NAALADL2: variants seen among roughly 807,000 people sequenced by gnomAD.
The protein encoded by NAALADL2 is N-acetylated alpha-linked acidic dipeptidase like 2, also known as inactive N-acetylated-alpha-linked acidic dipeptidase-like protein 2.
In NAALADL2, 76 loss-of-function variants were observed where a neutral mutation model predicts 87.2. The observed-to-expected ratio is 0.87, with a 90% CI of 0.72 to 1.05. The LOEUF is 1.05. Ranked by LOEUF, NAALADL2 falls within the 50% of genes least tolerant of loss-of-function variation. The pLI is 0.00. For synonymous variants in NAALADL2, 354 were observed against 331.0 expected, an observed-to-expected ratio of 1.07 and a Z score of -0.75; for missense variants, 1,089 against 945.8, an observed-to-expected ratio of 1.15 and a Z score of -1.99.
chr3:175,120,619 A>G (rs924714821), intron 2 of NAALADL2, among the ~76,000 whole-genome samples: 1 of 151,826 alleles, frequency 6.6e-6, no homozygotes, highest in African/African-American at 2.4e-5. Context: ...GCATGTTACA[A>G]TGGTCTTGCA....
chr3:175,740,949 G>A (rs779612176), intron 12 of NAALADL2, among the ~76,000 whole-genome samples: 1 of 152,122 alleles, frequency 6.6e-6, no homozygotes, highest in Non-Finnish European at 1.5e-5. Flanking sequence ...AAAAAAGTAT[G>A]GAGTCAAGGA....
At chr3:174,451,026 A>C (rs1715448424) in intron 1 of NAALADL2, among the ~76,000 whole-genome samples, 1 of 152,180 alleles carries the variant, frequency 6.6e-6, no homozygotes, top group Admixed American at 6.5e-5. Context: ...AGAATGAGAA[A>C]ATAAATTTAT....
intron 1 of NAALADL2, among the ~76,000 whole-genome samples, chr3:174,987,812 T>TATATATA (rs1553911297): frequency 1.7e-5 from 2 of 120,082 alleles, no homozygotes; most frequent in East Asian, 5.6e-4. Flanking sequence ...ATATATATAA[T>TATATATA]TATATATATA....
At chr3:174,838,271 A>T (rs980120416) in intron 3 of NAALADL2, among the ~76,000 whole-genome samples, 1 of 152,196 alleles carries the variant, frequency 6.6e-6, no homozygotes. Context: ...GATGCAGACA[A>T]ATCCTTCGAC....
At chr3:175,473,819 A>T (rs1016867575) in intron 9 of NAALADL2, among the ~76,000 whole-genome samples, 2 of 152,150 alleles carry the variant, frequency 1.3e-5, no homozygotes, top group African/African-American at 4.8e-5. Flanking sequence ...AACATCCAGA[A>T]CATATGTAAC....
chr3:175,692,658 A>G (rs1037979440), intron 11 of NAALADL2, among the ~76,000 whole-genome samples: 3 of 152,168 alleles, frequency 2.0e-5, no homozygotes, highest in African/African-American at 7.2e-5. Flanking sequence ...TGTACTGTGA[A>G]GTTTTCATCC....
chr3:175,003,415 A>G (rs774054822), intron 1 of NAALADL2, among the ~76,000 whole-genome samples: 1 of 152,232 alleles, frequency 6.6e-6, no homozygotes, highest in Admixed American at 6.5e-5. Context: ...GCATGCTAGC[A>G]GCAATAAACA....
At chr3:175,608,996 AT>A (rs55666834) in intron 10 of NAALADL2, among the ~76,000 whole-genome samples, 3,362 of 149,052 alleles carry the variant, frequency 0.023, 92 homozygotes, top group African/African-American at 0.073. Context: ...GCCCAGTGTG[AT>A]TTTTTTTTTT....
intron 2 of NAALADL2, among the ~76,000 whole-genome samples, chr3:174,579,552 A>C (rs1468272076): frequency 6.6e-6 from 1 of 152,088 alleles, no homozygotes; most frequent in Non-Finnish European, 1.5e-5. Flanking sequence ...GCACAGAGAA[A>C]TGGGAGTGAG....
At chr3:174,719,629 T>C (rs994491718) in intron 2 of NAALADL2, among the ~76,000 whole-genome samples, 2 of 152,190 alleles carry the variant, frequency 1.3e-5, no homozygotes, top group African/African-American at 4.8e-5. Flanking sequence ...AATCTTTTGA[T>C]TATTTGTTCA....
chr3:175,124,468 GAGGAA>G (rs1042586526), intron 2 of NAALADL2: 2 of 151,910 alleles, frequency 1.3e-5, no homozygotes, highest in African/African-American at 4.8e-5. Flanking sequence ...AGGAATAGGA[GAGGAA>G]AGGCAACTGT....
At chr3:175,566,355 T>C (rs143046717) in intron 9 of NAALADL2, among the ~76,000 whole-genome samples, 3 of 152,318 alleles carry the variant, frequency 2.0e-5, no homozygotes, top group East Asian at 3.9e-4. Context: ...CAGAGGCAAA[T>C]GGCATTTGAA....
chr3:175,203,691 C>G (rs887960541), intron 2 of NAALADL2, among the ~76,000 whole-genome samples: 2 of 141,118 alleles, frequency 1.4e-5, no homozygotes, highest in Admixed American at 7.4e-5. Context: ...ATTGATAGAC[C>G]TTTAGCAAGA....
At chr3:175,548,284 C>T (rs538124885) in intron 9 of NAALADL2, among the ~76,000 whole-genome samples, 1 of 152,046 alleles carries the variant, frequency 6.6e-6, no homozygotes, top group Non-Finnish European at 1.5e-5. Flanking sequence ...ATTTTCCTTA[C>T]CAAACTAACA....
chr3:175,578,941 G>A (rs1719324772), intron 10 of NAALADL2, among the ~76,000 whole-genome samples: 1 of 152,202 alleles, frequency 6.6e-6, no homozygotes, highest in Non-Finnish European at 1.5e-5. Context: ...AAGATTAGAA[G>A]ATGAATACTC....
At chr3:175,093,908 C>G (rs1286055874) in intron 1 of NAALADL2, among the ~76,000 whole-genome samples, 2 of 151,766 alleles carry the variant, frequency 1.3e-5, no homozygotes, top group African/African-American at 4.8e-5. Context: ...GTTTGAAGAC[C>G]GTTAAATTGC....
At chr3:175,091,602 C>T (rs1333919592) in intron 1 of NAALADL2, among the ~76,000 whole-genome samples, 2 of 151,922 alleles carry the variant, frequency 1.3e-5, no homozygotes. Flanking sequence ...AGTAACATTA[C>T]AGTCAATGAA....
intron 1 of NAALADL2, among the ~76,000 whole-genome samples, chr3:174,500,182 T>C (rs941399542): frequency 2.0e-5 from 3 of 152,170 alleles, no homozygotes; most frequent in Non-Finnish European, 4.4e-5. Flanking sequence ...TTTGATGTGA[T>C]TTCAGATGAC....
At chr3:175,545,131 T>C (rs371022276) in intron 9 of NAALADL2, among the ~76,000 whole-genome samples, 7 of 152,280 alleles carry the variant, frequency 4.6e-5, no homozygotes, top group African/African-American at 1.7e-4. Context: ...ATTATACTCA[T>C]TTAACAGAAA....
Sources: allele counts gnomAD v4.1 joint callset (sites outside exome capture counted in the v4.1 genomes callset), GRCh38; gene constraint gnomAD v4.1.1; transcripts MANE v1.5; gene names NCBI Gene and HGNC (gene_info 2026-07-23, HGNC 2026-07-21).